Variants in ADGRB3 observed in about 807,000 individuals in gnomAD.
ADGRB3 encodes the protein brain-specific angiogenesis inhibitor 3.
In ADGRB3, 37 loss-of-function variants were observed where a neutral mutation model predicts 193.4. The observed-to-expected ratio is 0.19, with a 90% CI of 0.15 to 0.25. The LOEUF (loss-of-function observed/expected upper bound fraction) is 0.25, where lower values mean the gene tolerates loss of function less well. Ranked by LOEUF, ADGRB3 falls within the 10% of genes least tolerant of loss-of-function variation. ADGRB3 has a pLI of 1.00. For missense variants in ADGRB3, 1,637 were observed against 1,852.9 expected, an observed-to-expected ratio of 0.88 and a Z score of 2.14; for synonymous variants, 690 against 644.2, an observed-to-expected ratio of 1.07 and a Z score of -1.08.
rs565041935 is a variant in ADGRB3, at chr6:69,078,865, A to G, written c.2480+2827A>G. On this transcript the variant is annotated intron_variant, in intron 17 of 31. Transcript: ENST00000370598. Reference sequence around the variant, plus strand: ...CTTTGTCTTTCTTATTCATCACTGCACTGTTGGTGCCTACTATACCTGCAT... The same window carrying G: ...CTTTGTCTTTCTTATTCATCACTGCGCTGTTGGTGCCTACTATACCTGCAT... 1.2e-4 allele frequency among the ~76,000 whole-genome samples: 19 copies of G among 152,192 alleles called. No homozygotes were observed. The East Asian group carries it at 3.7e-3, about 29-fold the overall frequency.
chr6:68,940,182 A>C (rs936189245), intron 5 of ADGRB3, among the ~76,000 whole-genome samples: 1 of 152,226 alleles, frequency 6.6e-6, no homozygotes, highest in African/African-American at 2.4e-5. Flanking sequence ...ATGGACATAA[A>C]CAAAGAAAAT....
At chr6:68,686,930 A>G (rs1764993925) in intron 3 of ADGRB3, among the ~76,000 whole-genome samples, 1 of 152,160 alleles carries the variant, frequency 6.6e-6, no homozygotes, top group Non-Finnish European at 1.5e-5. Context: ...TAACCTGACA[A>G]TCTAAAAAGC....
At chr6:68,783,678 T>C (rs1766904200) in intron 3 of ADGRB3, among the ~76,000 whole-genome samples, 1 of 151,830 alleles carries the variant, frequency 6.6e-6, no homozygotes, top group Non-Finnish European at 1.5e-5. Flanking sequence ...AGAAGGCACA[T>C]CATAGTCAAG....
intron 7 of ADGRB3, 109 bp downstream of exon 7, chr6:68,956,297 A>G (rs941652638): frequency 1.1e-6 from 1 of 920,012 alleles, no homozygotes; most frequent in South Asian, 2.2e-5. Flanking sequence ...ATCATTATAT[A>G]TATATGTGTG....
chr6:69,358,027 A>G (rs1416345368), intron 28 of ADGRB3, among the ~76,000 whole-genome samples: 2 of 151,972 alleles, frequency 1.3e-5, no homozygotes, highest in African/African-American at 4.8e-5. Context: ...ACAATGAATA[A>G]GTATTCATTT....
At chr6:68,641,237 T>C (rs1768076371) in intron 3 of ADGRB3, among the ~76,000 whole-genome samples, 2 of 152,150 alleles carry the variant, frequency 1.3e-5, no homozygotes, top group Non-Finnish European at 2.9e-5. Flanking sequence ...CTCTTTTATA[T>C]GAAAGGTGGT....
chr6:68,983,269 G>A (rs971709003), intron 10 of ADGRB3, among the ~76,000 whole-genome samples: 1 of 151,662 alleles, frequency 6.6e-6, no homozygotes, highest in Admixed American at 6.6e-5. Context: ...ACTAAAAGCT[G>A]AGGAGATTTT....
At chr6:68,851,502 A>T (rs562346319) in intron 3 of ADGRB3, among the ~76,000 whole-genome samples, 121 of 152,062 alleles carry the variant, frequency 8.0e-4, no homozygotes, top group Middle Eastern at 3.4e-3. Flanking sequence ...TCCAAACATC[A>T]CATGTAATTT....
chr6:68,758,988 C>A (rs575066757), intron 3 of ADGRB3, among the ~76,000 whole-genome samples: 2 of 152,220 alleles, frequency 1.3e-5, no homozygotes, highest in South Asian at 2.1e-4. Flanking sequence ...AGAGCACTTA[C>A]ATTTAGCAGG....
intron 3 of ADGRB3, among the ~76,000 whole-genome samples, chr6:68,855,184 G>A (rs1764943788): frequency 6.6e-6 from 1 of 152,140 alleles, no homozygotes; most frequent in East Asian, 1.9e-4. Context: ...TTTCTTAGTA[G>A]ATATCAACTC....
chr6:69,238,792 TA>T (rs1391383850), intron 19 of ADGRB3, among the ~76,000 whole-genome samples: 1 of 151,780 alleles, frequency 6.6e-6, no homozygotes, highest in Non-Finnish European at 1.5e-5. Context: ...CTAATTGATA[TA>T]TTTCCAAGAA....
At chr6:68,870,424 A>G (rs996030121) in intron 3 of ADGRB3, among the ~76,000 whole-genome samples, 4 of 152,206 alleles carry the variant, frequency 2.6e-5, no homozygotes, top group African/African-American at 9.7e-5. Context: ...TTGGAAATAC[A>G]TTGGTCTTAT....
At chr6:68,803,075 A>G (rs555669022) in intron 3 of ADGRB3, among the ~76,000 whole-genome samples, 1 of 151,906 alleles carries the variant, frequency 6.6e-6, no homozygotes, top group African/African-American at 2.4e-5. Context: ...AACTACCTCA[A>G]ATTTCTATTG....
chr6:69,202,819 C>A (rs915948835), intron 17 of ADGRB3, among the ~76,000 whole-genome samples: 1 of 152,076 alleles, frequency 6.6e-6, no homozygotes, highest in Non-Finnish European at 1.5e-5. Flanking sequence ...GCTTCAACTT[C>A]CCTGGTTGAA....
intron 10 of ADGRB3, among the ~76,000 whole-genome samples, chr6:68,988,201 G>A (rs1056694696): frequency 1.3e-5 from 2 of 152,150 alleles, no homozygotes; most frequent in Non-Finnish European, 2.9e-5. Flanking sequence ...TTATGGTCTA[G>A]TGGAATGGAT....
At position 68,639,411 on chromosome 6, in the gene ADGRB3, G is replaced by C; in HGVS notation, c.736G>C (p.Ala246Pro). Reference protein sequence around the residue: ...TTQVCNLTREAKRPPKEEFGM... With the variant: ...TTQVCNLTREPKRPPKEEFGM... ...CCAAGTCTGCAATCTTACCAGGGAGGCCAAGCGACCACCCAAAGAAGGTAA... is the reference window on the plus strand; with the variant it reads ...CCAAGTCTGCAATCTTACCAGGGAGCCCAAGCGACCACCCAAAGAAGGTAA... Residue 246 changes from alanine (A) to proline (P), a missense_variant, in exon 3 of 32, where the codon GCC (alanine) becomes CCC (proline). Transcript: ENST00000370598. 1 of 1,609,584 alleles carries C rather than the reference G, an allele frequency of 6.2e-7. No homozygotes were observed. The highest frequency in any genetic ancestry group is 8.5e-7 in the Non-Finnish European group (1 of 1,177,866).
intron 20 of ADGRB3, among the ~76,000 whole-genome samples, chr6:69,309,788 A>G (rs1768143100): frequency 6.6e-6 from 1 of 151,592 alleles, no homozygotes; most frequent in Non-Finnish European, 1.5e-5. Flanking sequence ...TTGCTCCAAT[A>G]CTAACTTTGA....
intron 10 of ADGRB3, among the ~76,000 whole-genome samples, chr6:68,989,764 T>C (rs1473797239): frequency 6.6e-6 from 1 of 152,136 alleles, no homozygotes; most frequent in African/African-American, 2.4e-5. Context: ...TAACAAGATT[T>C]CCAGAAAGCA....
chr6:68,904,991 T>C (rs1308456163), intron 3 of ADGRB3, among the ~76,000 whole-genome samples: 2 of 152,192 alleles, frequency 1.3e-5, no homozygotes. Context: ...TACTTGGGCA[T>C]TGAATTTTAC....
Sources: allele counts gnomAD v4.1 joint callset (sites outside exome capture counted in the v4.1 genomes callset), GRCh38; gene constraint gnomAD v4.1.1; transcripts MANE v1.5; gene names NCBI Gene and HGNC (gene_info 2026-07-23, HGNC 2026-07-21).